Variants in PARD3B observed in about 807,000 individuals in gnomAD.
The protein encoded by PARD3B is partitioning defective 3 homolog B.
A neutral mutation model predicts 130.2 loss-of-function variants in PARD3B; 103 were observed. That is an observed-to-expected ratio of 0.79 (90% CI 0.67 to 0.93). PARD3B has a LOEUF of 0.93. Among genes scored for constraint, PARD3B ranks in the 40% least tolerant of loss-of-function variants. PARD3B has a pLI of 0.00. For missense variants in PARD3B, 1,609 were observed against 1,499.2 expected, an observed-to-expected ratio of 1.07 and a Z score of -1.21; for synonymous variants, 583 against 553.2, an observed-to-expected ratio of 1.05 and a Z score of -0.76.
At chr2:205,493,980 C>T (rs1283255502) in intron 20 of PARD3B, among the ~76,000 whole-genome samples, 2 of 151,896 alleles carry the variant, frequency 1.3e-5, no homozygotes, top group African/African-American at 4.8e-5. Flanking sequence ...AGGCTAGTCT[C>T]GAACTCCTGA....
chr2:205,586,498 C>T (rs1212417568), intron 22 of PARD3B, among the ~76,000 whole-genome samples: 2 of 152,108 alleles, frequency 1.3e-5, no homozygotes, highest in Non-Finnish European at 2.9e-5. Context: ...ATATTTCGTT[C>T]CTTATGGTCT....
chr2:205,423,642 A>G (rs2047048192), intron 19 of PARD3B, among the ~76,000 whole-genome samples: 1 of 152,164 alleles, frequency 6.6e-6, no homozygotes. Context: ...CCCTATTCAC[A>G]ATAGGGTTCA....
rs1000764773 is a variant in PARD3B at position 205,160,543 on chromosome 2, C to T, written c.1620+1636C>T. ...AGCAGTAGAAAACACACTCCAGCCACGATGAAGTTATGGCAAAGATGTAGA... is the reference window on the plus strand; with the variant it reads ...AGCAGTAGAAAACACACTCCAGCCATGATGAAGTTATGGCAAAGATGTAGA... On this transcript the variant is annotated intron_variant, in intron 11 of 22. Transcript: ENST00000406610. The surrounding 1 kb of genome is among the most constrained non-coding windows in gnomAD (Gnocchi z 4.0). Among the ~76,000 whole-genome samples, 6 of 152,088 alleles carry T rather than the reference C, an allele frequency of 3.9e-5. No homozygotes were observed. The highest frequency in any genetic ancestry group is 1.9e-4 in the East Asian group (1 of 5,196).
rs1273476460 is a variant in PARD3B, at chr2:204,677,062, C to G, written c.121-9119C>G. On this transcript the variant is annotated intron_variant, in intron 1 of 22. Coordinates refer to ENST00000406610, the MANE Select transcript of PARD3B (RefSeq NM_001302769.2). The surrounding 1 kb of genome is among the most constrained non-coding windows in gnomAD (Gnocchi z 4.1). The stretch of plus-strand genomic sequence containing the variant: ...TAGAACAGCACAGAAAAAGCCAAAT[C>G]TCTCTTTTATGTGGAAGGCTTTTAG... 6.6e-6 allele frequency among the ~76,000 whole-genome samples: 1 copy of G among 152,164 alleles called. No homozygotes were observed. The highest frequency in any genetic ancestry group is 1.5e-5 in the Non-Finnish European group (1 of 68,042).
At chr2:205,332,021 C>T (rs906511053) in intron 18 of PARD3B, among the ~76,000 whole-genome samples, 4 of 151,904 alleles carry the variant, frequency 2.6e-5, no homozygotes, top group East Asian at 1.9e-4. Flanking sequence ...AGGAGAATCG[C>T]GTGAACCCGG....
intron 21 of PARD3B, among the ~76,000 whole-genome samples, chr2:205,526,291 A>G (rs2051333511): frequency 6.6e-6 from 1 of 152,160 alleles, no homozygotes; most frequent in Admixed American, 6.5e-5. Context: ...AGCAGCTATC[A>G]CAGGTCTGGC....
In PARD3B at chr2:205,461,250, T is replaced by A. The variant is rs1575079625; in HGVS notation, c.3044+20578T>A. Among the ~76,000 whole-genome samples, 1 of 152,088 alleles carries A rather than the reference T, an allele frequency of 6.6e-6. No individual in the cohort carries two copies. The highest frequency in any genetic ancestry group is 1.5e-5 in the Non-Finnish European group (1 of 68,016). ...GAGAATTTGGGTGCTGAAAGAGGCA[T>A]GAAAGGCACTCTGGGCAGAGGAGCA... On this transcript the variant is annotated intron_variant, in intron 20 of 22. Coordinates refer to ENST00000406610, the MANE Select transcript of PARD3B (RefSeq NM_001302769.2). The surrounding 1 kb of genome is among the most constrained non-coding windows in gnomAD (Gnocchi z 4.3).
intron 2 of PARD3B, among the ~76,000 whole-genome samples, chr2:204,861,206 CTCTCTCTCGT>C (rs1403501070): frequency 7.8e-6 from 1 of 128,232 alleles, no homozygotes; most frequent in Non-Finnish European, 1.6e-5. Flanking sequence ...CTCTCTCTCT[CTCTCTCTCGT>C]ACCTCTTATT....
At chr2:204,605,031 C>T (rs554583244) in intron 1 of PARD3B, among the ~76,000 whole-genome samples, 1 of 152,180 alleles carries the variant, frequency 6.6e-6, no homozygotes, top group East Asian at 1.9e-4. Flanking sequence ...TTTGACAAAG[C>T]CTCTTAGCAA....
At chr2:204,822,656 T>G (rs796412783) in intron 2 of PARD3B, among the ~76,000 whole-genome samples, 1 of 152,182 alleles carries the variant, frequency 6.6e-6, no homozygotes, top group African/African-American at 2.4e-5. Context: ...CTTTCCCTGT[T>G]AATGATACTG....
At chr2:204,730,215 C>T (rs2039445750) in intron 2 of PARD3B, among the ~76,000 whole-genome samples, 1 of 152,070 alleles carries the variant, frequency 6.6e-6, no homozygotes, top group East Asian at 1.9e-4. Context: ...GCTGGGATTA[C>T]AGTCACCCAC....
chr2:204,623,456 CTT>C lies in PARD3B; in HGVS notation c.121-62721_121-62720del, dbSNP rs1425657265. 6.6e-6 allele frequency among the ~76,000 whole-genome samples: 1 copy of C among 152,114 alleles called. No individual in the cohort carries two copies. The highest frequency in any genetic ancestry group is 1.5e-5 in the Non-Finnish European group (1 of 68,010). On this transcript the variant is annotated intron_variant, in intron 1 of 22. Coordinates refer to ENST00000406610, the MANE Select transcript of PARD3B (RefSeq NM_001302769.2). The surrounding 1 kb of genome is among the most constrained non-coding windows in gnomAD (Gnocchi z 4.5). ...CCACACCCAGCACCCTCCACCATCCCTTTTTCCTTGCAATCAACAATCTTTTC... is the reference window on the plus strand; with the variant it reads ...CCACACCCAGCACCCTCCACCATCCCTTTCCTTGCAATCAACAATCTTTTC...
At chr2:204,612,260 A>G (rs2033955613) in intron 1 of PARD3B, among the ~76,000 whole-genome samples, 2 of 152,180 alleles carry the variant, frequency 1.3e-5, no homozygotes, top group African/African-American at 4.8e-5. Flanking sequence ...TTTTGCTTTT[A>G]CCAGATGAGA....
chr2:205,291,505 G>C lies in PARD3B; in HGVS notation c.2186-9025G>C, dbSNP rs1001425292. 6.6e-6 allele frequency among the ~76,000 whole-genome samples: 1 copy of C among 152,214 alleles called. No homozygotes were observed. Among genetic ancestry groups the C allele is most frequent in the Non-Finnish European group, 1.5e-5 (1 of 68,040 alleles). ...AACTTTGCTGAAGTGTGTTGTTCTGGTGTATTATGGAAGGTAGAACTTGTA... is the reference window on the plus strand; with the variant it reads ...AACTTTGCTGAAGTGTGTTGTTCTGCTGTATTATGGAAGGTAGAACTTGTA... On this transcript the variant is annotated intron_variant, in intron 16 of 22. Transcript: ENST00000406610. This position sits in a 1 kb window ranked among gnomAD's most constrained non-coding sequence, Gnocchi z 4.6.
intron 10 of PARD3B, among the ~76,000 whole-genome samples, chr2:205,138,360 C>G (rs1264209826): frequency 6.6e-6 from 1 of 152,112 alleles, no homozygotes; most frequent in East Asian, 1.9e-4. Flanking sequence ...GCATTTCTCT[C>G]TTATGCTGGA....
At chr2:204,785,260 T>C (rs763865856) in intron 2 of PARD3B, among the ~76,000 whole-genome samples, 1 of 152,218 alleles carries the variant, frequency 6.6e-6, no homozygotes, top group African/African-American at 2.4e-5. Context: ...GAAACTTCTC[T>C]AACCTACCTG....
At chr2:205,559,789 A>T (rs1292594421) in intron 22 of PARD3B, among the ~76,000 whole-genome samples, 1 of 151,802 alleles carries the variant, frequency 6.6e-6, no homozygotes, top group African/African-American at 2.4e-5. Flanking sequence ...AGTAGAGACG[A>T]GGTTTCACCA....
chr2:204,743,062 A>AT (rs1022486821), intron 2 of PARD3B, among the ~76,000 whole-genome samples: 1 of 152,102 alleles, frequency 6.6e-6, no homozygotes, highest in Non-Finnish European at 1.5e-5. Context: ...TCCTTTATTA[A>AT]TTTTTTGGAA....
chr2:204,965,064 A>G, intron 2 of PARD3B, 88 bp from the exon 3 acceptor site: 2 of 1,326,900 alleles, frequency 1.5e-6, no homozygotes, highest in Non-Finnish European at 2.0e-6. Flanking sequence ...TTTTCTTTGC[A>G]ACCAAATAAA....
Sources: gnomAD v4.1 joint callset for allele counts (sites outside exome capture counted in the v4.1 genomes callset) on GRCh38, gnomAD v4.1.1 for gene constraint, Gnocchi (gnomAD v3.1) non-coding constraint, MANE v1.5 for transcripts, NCBI Gene and HGNC (gene_info 2026-07-23, HGNC 2026-07-21) for gene names.